Variants in KIF1B observed in about 807,000 individuals in gnomAD.
KIF1B encodes the protein kinesin-like protein KIF1B.
In KIF1B, 76 loss-of-function variants were observed where a neutral mutation model predicts 241.9. That is an observed-to-expected ratio of 0.31 (90% CI 0.26 to 0.38). The LOEUF (loss-of-function observed/expected upper bound fraction) is 0.38, where lower values mean the gene tolerates loss of function less well. Among genes scored for constraint, KIF1B ranks in the 10% least tolerant of loss-of-function variants. The pLI is 1.00. For synonymous variants in KIF1B, 750 were observed against 796.7 expected (o/e 0.94, Z 0.99); for missense variants, 1,622 against 2,271.4 (o/e 0.71, Z 5.81).
intron 5 of KIF1B, among the ~76,000 whole-genome samples, chr1:10,265,938 A>G (rs1648435190): frequency 6.6e-6 from 1 of 152,232 alleles, no homozygotes; most frequent in Non-Finnish European, 1.5e-5. Flanking sequence ...TTAAGATTCC[A>G]TTCCAGATAC....
chr1:10,362,362 G>T (rs1260721985), intron 40 of KIF1B, among the ~76,000 whole-genome samples: 1 of 151,882 alleles, frequency 6.6e-6, no homozygotes, highest in Non-Finnish European at 1.5e-5. Context: ...TGTAGTCCCA[G>T]CTACTCAGGA....
intron 29 of KIF1B, 147 bp from the exon 30 acceptor site, chr1:10,336,927 A>G: frequency 8.6e-7 from 1 of 1,159,322 alleles, no homozygotes; most frequent in Non-Finnish European, 1.3e-6. Flanking sequence ...TTCATATTTT[A>G]TTCATTGCCT....
In KIF1B at chr1:10,275,991, C is replaced by T. The variant is rs986482162; in HGVS notation, c.959-330C>T. 1.1e-4 allele frequency among the ~76,000 whole-genome samples: 17 copies of T among 151,600 alleles called. 1 individual carries two copies. The highest frequency in any genetic ancestry group is 2.4e-4 in the Non-Finnish European group (16 of 67,914). ...TGCAATCTTGGCTCACTGCAGCCTC[C>T]GCCTCCTGGGTTCAAGCAGTTCTCC... On this transcript the variant is annotated intron_variant, in intron 11 of 48. Coordinates refer to ENST00000676179, the MANE Select transcript of KIF1B (RefSeq NM_001365951.3).
intron 22 of KIF1B, among the ~76,000 whole-genome samples, chr1:10,309,600 T>C (rs371323272): frequency 5.9e-5 from 9 of 151,524 alleles, no homozygotes; most frequent in African/African-American, 2.0e-4. Context: ...ATGGTGATAT[T>C]GATTTTACTG....
At chr1:10,225,669 A>G (rs900574408) in intron 1 of KIF1B, among the ~76,000 whole-genome samples, 4 of 152,184 alleles carry the variant, frequency 2.6e-5, no homozygotes, top group African/African-American at 7.2e-5. Flanking sequence ...CAGTGGGGAA[A>G]GGGAAAGTTG....
At position 10,326,265 on chromosome 1, in the gene KIF1B, G is replaced by A. The variant is rs755314640; in HGVS notation, c.2830G>A (p.Gly944Ser). The change falls in exon 27 of 49, where the codon GGC (glycine) becomes AGC (serine). Residue 944 changes from glycine to serine, a missense_variant. By Grantham distance (56) the Gly-to-Ser change is moderately conservative (BLOSUM62 0). This residue lies in a region of KIF1B where 803 missense variants were observed against 1,112.0 expected (regional missense o/e 0.72). Transcript: ENST00000676179. This position sits in a 1 kb window ranked among gnomAD's most constrained non-coding sequence, Gnocchi z 5.2. Reference sequence around the variant, plus strand: ...TGATGAGGCATTCGTGGATGACGCCGGCTCTGACGCAGGGACGGAGGAGGG... The same window carrying A: ...TGATGAGGCATTCGTGGATGACGCCAGCTCTGACGCAGGGACGGAGGAGGG... ...FDDEAFVDDA[G>S]SDAGTEEGSD... 6 of 1,614,064 alleles carry A rather than the reference G, an allele frequency of 3.7e-6. No individual in the cohort carries two copies. The highest frequency in any genetic ancestry group is 1.1e-5 in the South Asian group (1 of 91,084).
rs147087280 is a variant in KIF1B at position 10,267,338 on chromosome 1, AT to A, written c.430-39del. On this transcript the variant is annotated intron_variant, in intron 5 of 48. Transcript: ENST00000676179. ...CCACCGCGCCCGGCTTCTGTATGTG[AT>A]TTCTTTTTCACTCTAATTCACTTTA... 6.1e-3 allele frequency: 9,760 copies of A among 1,595,486 alleles called. 486 individuals are homozygous for A. In the African/African-American group the frequency reaches 0.11, roughly 18 times the overall value.
chr1:10,309,721 C>T (rs1650987259), intron 22 of KIF1B, among the ~76,000 whole-genome samples: 1 of 151,528 alleles, frequency 6.6e-6, no homozygotes, highest in Non-Finnish European at 1.5e-5. Flanking sequence ...CCAATGTCCA[C>T]ATAGCAACCA....
At chr1:10,366,844 G>A (rs146337264) in intron 43 of KIF1B, among the ~76,000 whole-genome samples, 52 of 152,010 alleles carry the variant, frequency 3.4e-4, no homozygotes, top group Admixed American at 1.4e-3. Flanking sequence ...GGTGGCGTGC[G>A]CCTGTAGTCC....
In KIF1B at chr1:10,377,250, C is replaced by T. The variant is rs531296689; in HGVS notation, c.*663C>T. 4.9e-4 allele frequency: 112 copies of T among 230,256 alleles called. No individual in the cohort carries two copies. The highest frequency in any genetic ancestry group is 8.6e-4 in the Non-Finnish European group (100 of 116,146). 14.3% of individuals were successfully genotyped at this position (230,256 alleles called of 1,614,324 possible). On this transcript the variant is annotated 3_prime_UTR_variant, in exon 49 of 49. Coordinates refer to ENST00000676179, the MANE Select transcript of KIF1B (RefSeq NM_001365951.3). Reference sequence around the variant, plus strand: ...GTTATATTCTGAGTCAAAGTTGGGGCTTTTTACGGCATAATTATGGAATTT... The same window carrying T: ...GTTATATTCTGAGTCAAAGTTGGGGTTTTTTACGGCATAATTATGGAATTT...
intron 2 of KIF1B, among the ~76,000 whole-genome samples, chr1:10,243,976 G>A (rs896320883): frequency 6.6e-6 from 1 of 151,992 alleles, no homozygotes; most frequent in African/African-American, 2.4e-5. Context: ...TATTCAATGT[G>A]TATGCTAAGT....
chr1:10,372,660 AGAGCT>A lies in KIF1B; in HGVS notation c.4946+1400_4946+1404del, dbSNP rs1469091451. On this transcript the variant is annotated intron_variant, in intron 45 of 48. Coordinates refer to ENST00000676179, the MANE Select transcript of KIF1B (RefSeq NM_001365951.3). ...GCCGCTGCGCGCCAGCTTGGGTGAC[AGAGCT>A]GTCACCCAAGCTGGCGCGCAGCGGC... Among the ~76,000 whole-genome samples the A allele has an allele frequency of 2.0e-4, 24 of 117,558 alleles. No individual in the cohort carries two copies. The East Asian group carries it at 2.5e-3, about 12-fold the overall frequency. The allele number at this position is 117,558 out of a possible 152,430, so 77.1% of individuals were successfully genotyped here.
rs754807277 is a variant in KIF1B at position 10,368,451 on chromosome 1, T to G, written c.4753-16T>G. The G allele has an allele frequency of 6.2e-7, 1 of 1,609,786 alleles. No homozygotes were observed. The highest frequency in any genetic ancestry group is 1.1e-5 in the South Asian group (1 of 90,998). On this transcript the variant is annotated splice_polypyrimidine_tract_variant and intron_variant, in intron 43 of 48. Transcript: ENST00000676179. The stretch of plus-strand genomic sequence containing the variant: ...ACATTTTATGTTCAGCTTGCACTTC[T>G]CTTTCTCTTCTTTAGTGCCTGCAAC...
At chr1:10,259,504 A>ATT (rs1266276207) in intron 4 of KIF1B, among the ~76,000 whole-genome samples, 2 of 138,450 alleles carry the variant, frequency 1.4e-5, no homozygotes, top group Non-Finnish European at 3.1e-5. Context: ...AAAAAAAAAA[A>ATT]ATTTTTTTTT....
intron 35 of KIF1B, among the ~76,000 whole-genome samples, chr1:10,346,981 A>T (rs891530172): frequency 2.6e-5 from 4 of 152,170 alleles, no homozygotes; most frequent in Admixed American, 2.6e-4. Flanking sequence ...TCCCCCAGGG[A>T]GGGCATCCTC....
intron 29 of KIF1B, 88 bp downstream of exon 29, chr1:10,336,830 A>G: frequency 7.7e-7 from 1 of 1,292,694 alleles, no homozygotes; most frequent in Non-Finnish European, 1.1e-6. Context: ...AAACTGAAAA[A>G]TACAGGGTGC....
Position 10,347,085 on chromosome 1 carries a change from G to A in KIF1B, c.3798-676G>A, listed in dbSNP as rs531439854. 6.6e-5 allele frequency among the ~76,000 whole-genome samples: 10 copies of A among 152,310 alleles called. No homozygotes were observed. The South Asian group carries it at 1.9e-3, about 28-fold the overall frequency. ...AGTAAGTGATTAATGTAATTGTTGT[G>A]TATAATCATCTCTAAAATGCTTTTG... On this transcript the variant is annotated intron_variant, in intron 35 of 48. Coordinates refer to ENST00000676179, the MANE Select transcript of KIF1B (RefSeq NM_001365951.3).
At position 10,365,737 on chromosome 1, in the gene KIF1B, G is replaced by A. The variant is rs1484277704; in HGVS notation, c.4752+89G>A. ...TTATTCATTTTCAACACCTTTGTTC[G>A]AGGTGTTTGAAGGCCTGTGATAATA... On this transcript the variant is annotated intron_variant, in intron 43 of 48. Transcript: ENST00000676179. This position sits in a 1 kb window ranked among gnomAD's most constrained non-coding sequence, Gnocchi z 4.0. 23 of 1,558,688 alleles carry A rather than the reference G, an allele frequency of 1.5e-5. No individual in the cohort carries two copies. Among genetic ancestry groups the A allele is most frequent in the Middle Eastern group, 3.5e-4 (2 of 5,684 alleles).
At chr1:10,375,180 CT>C in intron 47 of KIF1B, 74 bp from the exon 48 acceptor site, 2 of 1,479,228 alleles carry the variant, frequency 1.4e-6, no homozygotes, top group South Asian at 2.3e-5. Context: ...TGCTATATGC[CT>C]TGGGAATATG....
Sources: gnomAD v4.1 joint callset for allele counts (sites outside exome capture counted in the v4.1 genomes callset) on GRCh38, gnomAD v4.1.1 for gene constraint, gnomAD v4.1.1 regional missense constraint, Gnocchi (gnomAD v3.1) non-coding constraint, MANE v1.5 for transcripts, NCBI Gene and HGNC (gene_info 2026-07-23, HGNC 2026-07-21) for gene names.